The following TMPRSS11A variants were observed in gnomAD, a reference collection of about 807,000 sequenced individuals.
TMPRSS11A encodes the protein transmembrane serine protease 11A, also known as transmembrane protease serine 11A.
TMPRSS11A carries 53 observed loss-of-function variants against 58.9 expected under a neutral mutation model. The ratio of observed to expected loss-of-function variants is 0.90; its 90% CI spans 0.72 to 1.13. The LOEUF (loss-of-function observed/expected upper bound fraction) is 1.13. TMPRSS11A is among the 50% of genes most tolerant of loss of function. TMPRSS11A has a pLI of 0.00. For synonymous variants in TMPRSS11A, 167 were observed against 169.8 expected (o/e 0.98, Z 0.13); for missense variants, 493 against 499.3 (o/e 0.99, Z 0.12).
intron 7 of TMPRSS11A, among the ~76,000 whole-genome samples, chr4:67,921,901 T>C (rs547162554): frequency 2.0e-5 from 3 of 152,196 alleles, no homozygotes; most frequent in East Asian, 3.8e-4. Context: ...AGAAAGGCGA[T>C]ACAGTTAATC....
chr4:67,914,794 C>A (rs10025303), intron 8 of TMPRSS11A, 64 bp from the exon 9 acceptor site: 762,821 of 1,363,918 alleles, frequency 0.56, 214,913 homozygotes, highest in East Asian at 0.68. Context: ...GTGAAGTGAG[C>A]AGACTTTCCT....
rs747274764 is a variant in TMPRSS11A at position 67,946,547 on chromosome 4, G to C, written c.36C>G (p.Ser12Arg). ...MYRTVGFGTRSRNLKPWMIAV... is the reference protein window; with the variant it reads ...MYRTVGFGTRRRNLKPWMIAV... ...CAATCATCCATGGCTTCAGATTTCT[G>C]CTTCGGGTGCCAAATCCCACTGTCC... Residue 12 changes from serine to arginine, a missense_variant, in exon 2 of 10, where the codon AGC becomes AGG. Transcript: ENST00000508048. 5.0e-5 allele frequency: 80 copies of C among 1,611,140 alleles called. No individual in the cohort carries two copies. The highest frequency in any genetic ancestry group is 6.4e-5 in the Non-Finnish European group (75 of 1,178,732).
chr4:67,930,336 T>A lies in TMPRSS11A; in HGVS notation c.321-296A>T, dbSNP rs574243722. ...TGAGAGTTAGAAGAAGCCTTCATGTTTTCTTAGGCTAATCAATTGTATATT... is the reference window on the plus strand; with the variant it reads ...TGAGAGTTAGAAGAAGCCTTCATGTATTCTTAGGCTAATCAATTGTATATT... On this transcript the variant is annotated intron_variant, in intron 4 of 9. Transcript: ENST00000508048. 9.2e-5 allele frequency among the ~76,000 whole-genome samples: 14 copies of A among 152,346 alleles called. No homozygotes were observed. The East Asian group carries it at 2.1e-3, about 23-fold the overall frequency.
chr4:67,913,572 G>A (rs1720058941), intron 9 of TMPRSS11A, among the ~76,000 whole-genome samples: 1 of 152,114 alleles, frequency 6.6e-6, no homozygotes, highest in Non-Finnish European at 1.5e-5. Context: ...TAATGTCATG[G>A]TTCACCTGAA....
At position 67,950,456 on chromosome 4, in the gene TMPRSS11A, T is replaced by A. The variant is rs568515726; in HGVS notation, c.12-3885A>T. ...GGGAAGCCCAGGCTCTTTAAAAATG[T>A]CATCCGATTAGGGTAGGCCCATCAG... On this transcript the variant is annotated intron_variant, in intron 1 of 9. Coordinates refer to ENST00000508048, the MANE Select transcript of TMPRSS11A (RefSeq NM_001114387.2). Among the ~76,000 whole-genome samples the A allele has an allele frequency of 1.1e-4, 17 of 152,364 alleles. No homozygotes were observed. In the South Asian group the frequency reaches 3.5e-3, roughly 32 times the overall value.
At chr4:67,945,642 G>A (rs573434998) in intron 2 of TMPRSS11A, among the ~76,000 whole-genome samples, 1 of 152,314 alleles carries the variant, frequency 6.6e-6, no homozygotes, top group East Asian at 1.9e-4. Context: ...AGCCCTTTAA[G>A]GCTCCAAGTA....
intron 8 of TMPRSS11A, among the ~76,000 whole-genome samples, chr4:67,918,237 G>A (rs1360983410): frequency 6.6e-6 from 1 of 152,152 alleles, no homozygotes; most frequent in Non-Finnish European, 1.5e-5. Flanking sequence ...TATGTACCTG[G>A]ACCACATGGT....
chr4:67,951,635 A>G (rs964134914), intron 1 of TMPRSS11A, among the ~76,000 whole-genome samples: 4 of 151,784 alleles, frequency 2.6e-5, no homozygotes, highest in Non-Finnish European at 5.9e-5. Context: ...CAGTGTATAA[A>G]TGTAGATGCA....
intron 3 of TMPRSS11A, among the ~76,000 whole-genome samples, chr4:67,943,616 A>G (rs1231291851): frequency 6.6e-6 from 1 of 152,164 alleles, no homozygotes; most frequent in Non-Finnish European, 1.5e-5. Context: ...AATCTATATC[A>G]ATCTGTAGAC....
chr4:67,961,482 C>CT (rs1721418705), intron 1 of TMPRSS11A, among the ~76,000 whole-genome samples: 5 of 102,454 alleles, frequency 4.9e-5, no homozygotes, highest in Middle Eastern at 5.1e-3. Context: ...CTTTTCTTTT[C>CT]CTTTTTTTTT....
At chr4:67,943,439 G>T (rs1033762179) in intron 3 of TMPRSS11A, among the ~76,000 whole-genome samples, 2 of 152,282 alleles carry the variant, frequency 1.3e-5, no homozygotes, top group African/African-American at 4.8e-5. Flanking sequence ...GGCAAGTTAA[G>T]AGTTTTCTCT....
chr4:67,934,134 ACTCT>A (rs1172225080), intron 3 of TMPRSS11A, among the ~76,000 whole-genome samples: 3 of 151,984 alleles, frequency 2.0e-5, no homozygotes, highest in Admixed American at 1.3e-4. Flanking sequence ...AAATTCTAGG[ACTCT>A]CTCTCTAGAA....
intron 3 of TMPRSS11A, among the ~76,000 whole-genome samples, chr4:67,942,590 T>C (rs1183246388): frequency 3.3e-5 from 5 of 152,200 alleles, no homozygotes; most frequent in African/African-American, 9.7e-5. Flanking sequence ...ACACTAAGTG[T>C]TGGTTAGATG....
intron 3 of TMPRSS11A, among the ~76,000 whole-genome samples, chr4:67,935,773 T>C (rs1247755772): frequency 6.6e-6 from 1 of 152,200 alleles, no homozygotes; most frequent in Admixed American, 6.6e-5. Flanking sequence ...TTGCTTTACA[T>C]CAGGTTGAGA....
rs567620170 is a variant in TMPRSS11A, at chr4:67,923,900, T to C, written c.520+228A>G. 2.6e-5 allele frequency among the ~76,000 whole-genome samples: 4 copies of C among 152,334 alleles called. No individual in the cohort carries two copies. The East Asian group carries it at 7.7e-4, about 29-fold the overall frequency. ...TCCAATATTCCCAATCAAAAATAAA[T>C]GCTTTCTTCAAATTGCCCCAGAAGG... On this transcript the variant is annotated intron_variant, in intron 6 of 9. Coordinates refer to ENST00000508048, the MANE Select transcript of TMPRSS11A (RefSeq NM_001114387.2).
At chr4:67,929,812 A>C in intron 5 of TMPRSS11A, 68 bp downstream of exon 5, 1 of 1,317,306 alleles carries the variant, frequency 7.6e-7, no homozygotes, top group Non-Finnish European at 1.0e-6. Context: ...ATGACAAATA[A>C]ATTTGAGATT....
At chr4:67,948,522 TAAG>T (rs1001916213) in intron 1 of TMPRSS11A, among the ~76,000 whole-genome samples, 17 of 152,192 alleles carry the variant, frequency 1.1e-4, no homozygotes, top group African/African-American at 4.1e-4. Context: ...CTAAAATAGT[TAAG>T]AAGATAATAG....
Position 67,962,153 on chromosome 4 carries a change from A to G in TMPRSS11A, c.11+1230T>C, listed in dbSNP as rs1306377599. Among the ~76,000 whole-genome samples, 5 of 152,114 alleles carry G rather than the reference A, an allele frequency of 3.3e-5. No individual in the cohort carries two copies. In the East Asian group the frequency reaches 5.8e-4, roughly 18 times the overall value. ...TCAAACATTAATGCTAGATATTTAC[A>G]TCTGCTTGCCCATTCATTTGTTCAA... On this transcript the variant is annotated intron_variant, in intron 1 of 9. Coordinates refer to ENST00000508048, the MANE Select transcript of TMPRSS11A (RefSeq NM_001114387.2).
At chr4:67,946,106 TAA>T (rs1355259716) in intron 2 of TMPRSS11A, among the ~76,000 whole-genome samples, 1 of 152,118 alleles carries the variant, frequency 6.6e-6, no homozygotes, top group African/African-American at 2.4e-5. Context: ...TAATATATAA[TAA>T]GTGATGAGTT....
Sources: allele counts gnomAD v4.1 joint callset (sites outside exome capture counted in the v4.1 genomes callset), GRCh38; gene constraint gnomAD v4.1.1; transcripts MANE v1.5; gene names NCBI Gene and HGNC (gene_info 2026-07-23, HGNC 2026-07-21).